P2RY14: variants seen among roughly 807,000 people sequenced by gnomAD.
P2RY14 encodes P2Y purinoceptor 14.
A neutral mutation model predicts 0.9 loss-of-function variants in P2RY14; 2 were observed. That is an observed-to-expected ratio of 2.16 (90% CI 0.88 to 6.79). The LOEUF (loss-of-function observed/expected upper bound fraction) is 6.79, where lower values mean the gene tolerates loss of function less well. Ranked by LOEUF, P2RY14 falls within the 30% of genes most tolerant of loss-of-function variation. The pLI, the probability that P2RY14 is intolerant of heterozygous loss-of-function variation, is 0.05. For synonymous variants in P2RY14, 158 were observed against 147.2 expected (o/e 1.07, Z -0.53); for missense variants, 378 against 400.1 (o/e 0.94, Z 0.47).
intron 1 of P2RY14, among the ~76,000 whole-genome samples, chr3:151,239,722 T>C (rs1036094947): frequency 2.0e-5 from 3 of 152,208 alleles, no homozygotes; most frequent in African/African-American, 7.2e-5. Context: ...TTGAGAATTC[T>C]TGGCTAAAAT....
rs766735463 is a variant in P2RY14, at chr3:151,213,740, C to A, written c.577G>T (p.Ala193Ser). ...AAAAGAAACACAATCCAGAAGATGG[C>A]CACGAAGATGTAGTTTGATGCTTTG... The part of the protein sequence containing the change: ...WHKASNYIFV[A>S]IFWIVFLLLI... The change falls in exon 3 of 3, where the codon GCC (alanine) becomes TCC (serine). Residue 193 changes from alanine (A) to serine (S), a missense_variant. Ala to Ser is a moderately conservative substitution (Grantham distance 99, BLOSUM62 1). Coordinates refer to ENST00000309170, the MANE Select transcript of P2RY14 (RefSeq NM_014879.4). 1 of 1,614,080 alleles carries A rather than the reference C, an allele frequency of 6.2e-7. No individual in the cohort carries two copies. The highest frequency in any genetic ancestry group is 2.2e-5 in the East Asian group (1 of 44,884).
At chr3:151,269,396 A>ACACACAC (rs1559962640) in intron 1 of P2RY14, 4 of 62,088 alleles carry the variant, frequency 6.4e-5, no homozygotes, top group African/African-American at 3.3e-4. Flanking sequence ...GTGAAACTCC[A>ACACACAC]TCACACACAC....
intron 1 of P2RY14, among the ~76,000 whole-genome samples, chr3:151,243,439 A>G (rs1196034994): frequency 2.0e-5 from 3 of 152,090 alleles, no homozygotes; most frequent in African/African-American, 4.8e-5. Flanking sequence ...CCTACAAGCC[A>G]GAAGAGAGTG....
chr3:151,256,701 A>G (rs190499514), intron 1 of P2RY14, among the ~76,000 whole-genome samples: 24 of 152,330 alleles, frequency 1.6e-4, no homozygotes, highest in African/African-American at 5.5e-4. Flanking sequence ...ATGCTAAATA[A>G]TAGTAAAGGC....
At position 151,278,369 on chromosome 3, in the gene P2RY14, TAC is replaced by T. The variant is rs1360955581; in HGVS notation, c.-217_-216del. ...ATTGTAGGCTCCAAGGTAACACTGT[TAC>T]AGAGTTCTTGCTCATCTTCAACTAC... On this transcript the variant is annotated 5_prime_UTR_variant, in exon 1 of 3. The change abolishes the stop of an existing upstream ORF in the 5' untranslated region. Transcript: ENST00000309170. The T allele has an allele frequency of 6.6e-6, 1 of 152,264 alleles. No individual in the cohort carries two copies. The highest frequency in any genetic ancestry group is 1.9e-4 in the East Asian group (1 of 5,202). 9.4% of individuals were successfully genotyped at this position (152,264 alleles called of 1,614,324 possible).
At chr3:151,271,834 T>C (rs1741008418) in intron 1 of P2RY14, among the ~76,000 whole-genome samples, 1 of 152,176 alleles carries the variant, frequency 6.6e-6, no homozygotes, top group Admixed American at 6.5e-5. Flanking sequence ...TAAGCTCTAA[T>C]GAGAGAAATT....
rs1250654395 is a variant in P2RY14 at position 151,245,008 on chromosome 3, A to G, written c.-132-25366T>C. ...ACAAACACCTCTACGCAAATAAACT[A>G]GAAAATCTAGAAGAAATGGATAAAT... is the stretch of plus-strand genomic sequence containing the variant. On this transcript the variant is annotated intron_variant, in intron 1 of 2. Coordinates refer to ENST00000309170, the MANE Select transcript of P2RY14 (RefSeq NM_014879.4). Among the ~76,000 whole-genome samples, 3 of 118,386 alleles carry G rather than the reference A, an allele frequency of 2.5e-5. No homozygotes were observed. The East Asian group carries it at 9.4e-4, about 37-fold the overall frequency. The allele number at this position is 118,386 out of a possible 152,430, so 77.7% of individuals were successfully genotyped here. A position where few individuals can be genotyped will look rare whatever the true frequency, so the allele number is the denominator to read the frequency against.
rs772636406 is a variant in P2RY14, at chr3:151,214,299, G to A, written c.18C>T (p.Ser6=). Residue 6 remains serine (S), a synonymous_variant, in exon 3 of 3, where the codon TCC becomes TCT. Transcript: ENST00000309170. ...AGCAGGATTCATCTGGAGGCTGTGT[G>A]GAGGTTGAATTGATCATCTTGTAAC... MINST[S]TQPPDESCSQ... 52 of 1,613,218 alleles carry A rather than the reference G, an allele frequency of 3.2e-5. 1 individual carries two copies. The South Asian group carries it at 5.5e-4, about 17-fold the overall frequency.
intron 1 of P2RY14, among the ~76,000 whole-genome samples, chr3:151,271,874 A>T (rs1230293160): frequency 6.6e-6 from 1 of 152,244 alleles, no homozygotes; most frequent in African/African-American, 2.4e-5. Flanking sequence ...CCTAGAAAAG[A>T]GAATGATGAA....
chr3:151,228,228 C>G (rs1730930397), intron 1 of P2RY14, among the ~76,000 whole-genome samples: 1 of 152,160 alleles, frequency 6.6e-6, no homozygotes, highest in African/African-American at 2.4e-5. Flanking sequence ...GCCTTGGCTA[C>G]ATGTATGGCG....
At chr3:151,262,694 AC>A (rs1739128627) in intron 1 of P2RY14, among the ~76,000 whole-genome samples, 1 of 152,232 alleles carries the variant, frequency 6.6e-6, no homozygotes, top group Non-Finnish European at 1.5e-5. Flanking sequence ...TTCTTGGGTA[AC>A]CAGTTATTTT....
intron 1 of P2RY14, among the ~76,000 whole-genome samples, chr3:151,236,286 T>C (rs1054867773): frequency 7.2e-5 from 11 of 152,226 alleles, no homozygotes; most frequent in Non-Finnish European, 1.3e-4. Flanking sequence ...AGTTTTAAAA[T>C]GTACTTTTAT....
intron 1 of P2RY14, among the ~76,000 whole-genome samples, chr3:151,235,240 C>G (rs1732491297): frequency 6.6e-6 from 1 of 152,228 alleles, no homozygotes; most frequent in African/African-American, 2.4e-5. Flanking sequence ...ATGTTTTCCT[C>G]AGTCTCATTA....
rs139201124 is a variant in P2RY14 at position 151,233,822 on chromosome 3, C to T, written c.-132-14180G>A. Among the ~76,000 whole-genome samples the T allele has an allele frequency of 5.1e-3, 776 of 152,340 alleles. 11 individuals are homozygous for T. Among genetic ancestry groups the T allele is most frequent in the African/African-American group, 0.017 (722 of 41,590 alleles). On this transcript the variant is annotated intron_variant, in intron 1 of 2. Coordinates refer to ENST00000309170, the MANE Select transcript of P2RY14 (RefSeq NM_014879.4). ...TCGTTCCTGTTCCTCCTCTGCCATC[C>T]GCCTTTCTCCGCCTTGTGGTAACTC...
At chr3:151,261,685 GTGTTTTGTTTTGTTTTGTTT>G (rs10627724) in intron 1 of P2RY14, among the ~76,000 whole-genome samples, 7 of 148,640 alleles carry the variant, frequency 4.7e-5, no homozygotes, top group Non-Finnish European at 8.9e-5. Flanking sequence ...GTGGTACGTG[GTGTTTTGTTTTGTTTTGTTT>G]TGTTTTGTTT....
chr3:151,235,031 T>G (rs1482972965), intron 1 of P2RY14, among the ~76,000 whole-genome samples: 1 of 152,188 alleles, frequency 6.6e-6, no homozygotes, highest in Admixed American at 6.5e-5. Flanking sequence ...TTGTATGCGG[T>G]GGAGGTTGTG....
At chr3:151,217,745 G>T (rs2149248149) in intron 2 of P2RY14, among the ~76,000 whole-genome samples, 1 of 152,230 alleles carries the variant, frequency 6.6e-6, no homozygotes, top group Non-Finnish European at 1.5e-5. Context: ...GAAATTCCAA[G>T]ATACTCTTGG....
chr3:151,229,662 A>G (rs1344613690), intron 1 of P2RY14, among the ~76,000 whole-genome samples: 1 of 151,460 alleles, frequency 6.6e-6, no homozygotes, highest in Non-Finnish European at 1.5e-5. Flanking sequence ...TATTTTTAGT[A>G]GAGATGGGGT....
chr3:151,269,509 C>T (rs1348659910), intron 1 of P2RY14: 7 of 290,520 alleles, frequency 2.4e-5, no homozygotes, highest in Non-Finnish European at 4.7e-5. Context: ...ATAACAAATT[C>T]TGCCAACCAT....
Sources: allele counts gnomAD v4.1 joint callset (sites outside exome capture counted in the v4.1 genomes callset), GRCh38; gene constraint gnomAD v4.1.1; transcripts MANE v1.5; gene names NCBI Gene and HGNC (gene_info 2026-07-23, HGNC 2026-07-21).